SPATS2: variants seen among roughly 807,000 people sequenced by gnomAD.
The protein encoded by SPATS2 is spermatogenesis associated serine rich 2.
SPATS2 carries 38 observed loss-of-function variants against 63.7 expected under a neutral mutation model. That is an observed-to-expected ratio of 0.60 (90% CI 0.46 to 0.78). SPATS2 has a LOEUF of 0.78. Ranked by LOEUF, SPATS2 falls within the 30% of genes least tolerant of loss-of-function variation. The probability of loss-of-function intolerance (pLI) is 0.00; values close to 1 mark genes in which losing one functional copy is unlikely to be tolerated. For synonymous variants in SPATS2, 207 were observed against 232.9 expected (o/e 0.89, Z 1.01); for missense variants, 588 against 666.2 (o/e 0.88, Z 1.29).
At position 49,489,550 on chromosome 12, in the gene SPATS2, A is replaced by T; in HGVS notation, c.191A>T (p.Lys64Ile). 1 of 1,613,686 alleles carries T rather than the reference A, an allele frequency of 6.2e-7. No homozygotes were observed. The highest frequency in any genetic ancestry group is 2.2e-5 in the East Asian group (1 of 44,796). The stretch of plus-strand genomic sequence containing the variant: ...CAGCACTTTGATAACTGTGTGGACA[A>T]AACAGTACAAGCATTCATGGAAGGT... ...VLQHFDNCVD[K>I]TVQAFMEGSA... Residue 64 changes from lysine to isoleucine, a missense_variant, in exon 5 of 14, where the codon AAA (lysine) becomes ATA (isoleucine). By Grantham distance (102) the Lys-to-Ile change is moderately radical. Coordinates refer to ENST00000552918, the MANE Select transcript of SPATS2 (RefSeq NM_023071.4).
Position 49,490,437 on chromosome 12 carries a change from C to G in SPATS2, c.215-245C>G, listed in dbSNP as rs1592451189. On this transcript the variant is annotated intron_variant, in intron 5 of 13. Transcript: ENST00000552918. ...TTCAAAATGGCCCAGCTACATTAGT[C>G]TCTTCTTAGAAGAACTTACTGAGGA... 25 of 470,436 alleles carry G rather than the reference C, an allele frequency of 5.3e-5. No homozygotes were observed. The East Asian group carries it at 6.9e-4, about 13-fold the overall frequency. The allele number at this position is 470,436 out of a possible 1,614,324, so 29.1% of individuals were successfully genotyped here. A position where few individuals can be genotyped will look rare whatever the true frequency, so the allele number is the denominator to read the frequency against.
chr12:49,521,299 A>G (rs1215342731), intron 11 of SPATS2, among the ~76,000 whole-genome samples: 1 of 152,198 alleles, frequency 6.6e-6, no homozygotes, highest in Non-Finnish European at 1.5e-5. Flanking sequence ...AGGACCTTAC[A>G]GGGATCCTTA....
At chr12:49,457,738 C>G (rs1945745102) in intron 2 of SPATS2, among the ~76,000 whole-genome samples, 1 of 152,092 alleles carries the variant, frequency 6.6e-6, no homozygotes, top group African/African-American at 2.4e-5. Context: ...CGGCCTCATC[C>G]TGTTTTCTTT....
At chr12:49,484,555 AT>A (rs1168620163) in intron 3 of SPATS2, 34 bp from the exon 4 acceptor site, 4 of 1,596,130 alleles carry the variant, frequency 2.5e-6, no homozygotes, top group Non-Finnish European at 3.4e-6. Flanking sequence ...TTATATTTGG[AT>A]CATGTTGAAT....
At chr12:49,498,132 CA>C (rs71439501) in intron 8 of SPATS2, among the ~76,000 whole-genome samples, 282 of 117,284 alleles carry the variant, frequency 2.4e-3, no homozygotes, top group Middle Eastern at 8.5e-3. Flanking sequence ...CCAATCAAGC[CA>C]AAAAAAAAAA....
At chr12:49,403,231 G>A (rs1944637032) in intron 2 of SPATS2, among the ~76,000 whole-genome samples, 1 of 152,208 alleles carries the variant, frequency 6.6e-6, no homozygotes, top group Non-Finnish European at 1.5e-5. Context: ...TTCTGGCAGT[G>A]CAGGTGTAGG....
intron 2 of SPATS2, among the ~76,000 whole-genome samples, chr12:49,451,013 C>G (rs569289694): frequency 6.6e-6 from 1 of 151,308 alleles, no homozygotes; most frequent in Non-Finnish European, 1.5e-5. Context: ...GGATTACAGG[C>G]GCCCACCACT....
At chr12:49,489,177 C>T (rs924023960) in intron 4 of SPATS2, among the ~76,000 whole-genome samples, 3 of 152,182 alleles carry the variant, frequency 2.0e-5, no homozygotes, top group African/African-American at 7.2e-5. Flanking sequence ...CACATTAATA[C>T]CTGATACCGA....
chr12:49,428,285 A>C (rs949328210), intron 2 of SPATS2, among the ~76,000 whole-genome samples: 15 of 151,592 alleles, frequency 9.9e-5, no homozygotes, highest in Admixed American at 2.6e-4. Flanking sequence ...AAAAAAAAAA[A>C]CAAAAATTCA....
intron 2 of SPATS2, among the ~76,000 whole-genome samples, chr12:49,418,369 G>A (rs1287768757): frequency 6.6e-6 from 1 of 151,900 alleles, no homozygotes; most frequent in Non-Finnish European, 1.5e-5. Context: ...GCGTGATCTC[G>A]GCTGACTGCA....
chr12:49,458,176 A>C (rs999123820), intron 2 of SPATS2, among the ~76,000 whole-genome samples: 1 of 152,156 alleles, frequency 6.6e-6, no homozygotes, highest in Non-Finnish European at 1.5e-5. Flanking sequence ...TGCTTAAAAA[A>C]ATTATTTTTC....
chr12:49,488,075 G>A (rs765986886), intron 4 of SPATS2, among the ~76,000 whole-genome samples: 7 of 149,380 alleles, frequency 4.7e-5, no homozygotes, highest in Non-Finnish European at 1.0e-4. Flanking sequence ...ACGGAGTTTC[G>A]CTCTTGCTGC....
chr12:49,485,164 C>T (rs1307895747), intron 4 of SPATS2, among the ~76,000 whole-genome samples: 4 of 148,902 alleles, frequency 2.7e-5, no homozygotes, highest in African/African-American at 1.0e-4. Context: ...CTTCCGGGTT[C>T]GCGCCATTCT....
chr12:49,456,408 G>C (rs1367865916), intron 2 of SPATS2, among the ~76,000 whole-genome samples: 2 of 152,210 alleles, frequency 1.3e-5, no homozygotes, highest in African/African-American at 4.8e-5. Flanking sequence ...GGATGATAAA[G>C]AGGCCAGTGT....
At chr12:49,420,296 A>G (rs1195009661) in intron 2 of SPATS2, among the ~76,000 whole-genome samples, 1 of 152,222 alleles carries the variant, frequency 6.6e-6, no homozygotes, top group African/African-American at 2.4e-5. Context: ...TGATTTTCAT[A>G]CAAGTATAAA....
chr12:49,489,715 G>A (rs1212312938), intron 5 of SPATS2, 142 bp downstream of exon 5: 6 of 635,128 alleles, frequency 9.4e-6, no homozygotes, highest in African/African-American at 5.5e-5. Flanking sequence ...GACATTTGAC[G>A]ATACCTCTTT....
intron 8 of SPATS2, among the ~76,000 whole-genome samples, chr12:49,498,507 A>G (rs1474649787): frequency 2.0e-5 from 3 of 152,168 alleles, no homozygotes; most frequent in African/African-American, 7.2e-5. Context: ...ATTATATTCT[A>G]TTAAATCCTG....
At chr12:49,457,315 C>T (rs544937528) in intron 2 of SPATS2, among the ~76,000 whole-genome samples, 1 of 152,062 alleles carries the variant, frequency 6.6e-6, no homozygotes, top group Non-Finnish European at 1.5e-5. Context: ...ATGTGGATAG[C>T]TCTGTTTGCA....
chr12:49,445,581 G>A (rs1225157142), intron 2 of SPATS2, among the ~76,000 whole-genome samples: 4 of 151,940 alleles, frequency 2.6e-5, no homozygotes, highest in Admixed American at 6.6e-5. Context: ...GTAGTGGCGC[G>A]ATCTTGGGTC....
Sources: allele counts gnomAD v4.1 joint callset (sites outside exome capture counted in the v4.1 genomes callset), GRCh38; gene constraint gnomAD v4.1.1; transcripts MANE v1.5; gene names NCBI Gene and HGNC (gene_info 2026-07-23, HGNC 2026-07-21).